Variants in MYOM2 observed in about 807,000 individuals in gnomAD.
MYOM2 encodes the protein myomesin-2.
MYOM2 carries 254 observed loss-of-function variants against 187.6 expected under a neutral mutation model. The ratio of observed to expected loss-of-function variants is 1.35; its 90% CI spans 1.22 to 1.50. The LOEUF (loss-of-function observed/expected upper bound fraction) is 1.50. MYOM2 is among the 40% of genes most tolerant of loss of function. MYOM2 has a pLI of 0.00. For synonymous variants in MYOM2, 981 were observed against 753.8 expected (o/e 1.30, Z -4.94); for missense variants, 2,796 against 1,924.0 (o/e 1.45, Z -8.48).
chr8:2,100,340 C>G (rs538158409), intron 19 of MYOM2: 6 of 153,076 alleles, frequency 3.9e-5, no homozygotes, highest in African/African-American at 1.4e-4. Context: ...TCTCAAGGCT[C>G]AAGGCCACAG....
chr8:2,108,785 G>C lies in MYOM2; in HGVS notation c.2999-1G>C, dbSNP rs775293794. ...ATTGAAATACTTTTTCTTCGTTTTA[G>C]AGCTCGAGCGTTTGATGGCATTGAG... On this transcript the variant is annotated splice_acceptor_variant, in intron 23 of 36. Transcript: ENST00000262113. LOFTEE classifies it high-confidence loss of function. The C allele has an allele frequency of 1.9e-6, 3 of 1,613,560 alleles. No homozygotes were observed. Among genetic ancestry groups the C allele is most frequent in the Non-Finnish European group, 2.5e-6 (3 of 1,179,874 alleles).
intron 32 of MYOM2, among the ~76,000 whole-genome samples, chr8:2,136,573 A>G (rs966719721): frequency 6.6e-6 from 1 of 152,164 alleles, no homozygotes; most frequent in Non-Finnish European, 1.5e-5. Context: ...AACTTGAATG[A>G]TAAGTCACTC....
chr8:2,127,185 C>G (rs1158969699), intron 31 of MYOM2, among the ~76,000 whole-genome samples: 4 of 152,008 alleles, frequency 2.6e-5, no homozygotes, highest in Non-Finnish European at 5.9e-5. Context: ...TTGACTTCAC[C>G]CAGTTCCCAA....
chr8:2,073,840 G>A (rs903895096), intron 10 of MYOM2, among the ~76,000 whole-genome samples: 7 of 152,350 alleles, frequency 4.6e-5, no homozygotes, highest in Admixed American at 3.9e-4. Flanking sequence ...GCCCGAGGAT[G>A]AAGAGGGGCA....
chr8:2,115,933 T>G, intron 25 of MYOM2, 27 bp from the exon 26 acceptor site: 1 of 1,603,594 alleles, frequency 6.2e-7, no homozygotes, highest in Non-Finnish European at 8.5e-7. Flanking sequence ...CTTGTATAAT[T>G]CTCCATTTCC....
chr8:2,128,374 A>G lies in MYOM2; in HGVS notation c.3695-753A>G, dbSNP rs143557744. ...CTATCCTCCACAACAGTTGGTGATC[A>G]TCTTATTTTCCATTATCTGTGCTAA... On this transcript the variant is annotated intron_variant, in intron 31 of 36. Coordinates refer to ENST00000262113, the MANE Select transcript of MYOM2 (RefSeq NM_003970.4). Among the ~76,000 whole-genome samples the G allele has an allele frequency of 5.9e-5, 9 of 152,368 alleles. No individual in the cohort carries two copies. In the East Asian group the frequency reaches 1.7e-3, roughly 29 times the overall value.
intron 6 of MYOM2, among the ~76,000 whole-genome samples, chr8:2,068,330 G>T (rs958367655): frequency 6.6e-6 from 1 of 150,630 alleles, no homozygotes; most frequent in African/African-American, 2.5e-5. Flanking sequence ...CAGGCGGAGA[G>T]CATCCCGGGG....
intron 6 of MYOM2, among the ~76,000 whole-genome samples, chr8:2,062,658 T>C (rs1285445674): frequency 6.6e-6 from 1 of 152,100 alleles, no homozygotes; most frequent in Non-Finnish European, 1.5e-5. Flanking sequence ...GTGGGAGTTT[T>C]AATAGACCGT....
At chr8:2,111,733 T>C (rs1253294441) in intron 25 of MYOM2, among the ~76,000 whole-genome samples, 1 of 152,214 alleles carries the variant, frequency 6.6e-6, no homozygotes, top group Non-Finnish European at 1.5e-5. Context: ...TTGTGCTTCC[T>C]GCAGTTGAGC....
chr8:2,072,806 G>T (rs1298419494), intron 9 of MYOM2, among the ~76,000 whole-genome samples: 3 of 152,240 alleles, frequency 2.0e-5, no homozygotes, highest in Non-Finnish European at 1.5e-5. Context: ...GCACATTACT[G>T]CATGGAAGGG....
chr8:2,082,896 G>T (rs561917809), intron 13 of MYOM2, among the ~76,000 whole-genome samples: 2 of 152,158 alleles, frequency 1.3e-5, no homozygotes, highest in African/African-American at 2.4e-5. Context: ...TCCTGGGGAG[G>T]TTGTAGTTTC....
rs776743885 is a variant in MYOM2, at chr8:2,142,762, C to CTTTTTTTTT, written c.4024+370_4024+378dup. Among the ~76,000 whole-genome samples, 234 of 112,822 alleles carry CTTTTTTTTT rather than the reference C, an allele frequency of 2.1e-3. 3 individuals are homozygous for CTTTTTTTTT. The East Asian group carries it at 0.023, about 11-fold the overall frequency. 74.0% of individuals were successfully genotyped at this position (112,822 alleles called of 152,430 possible). On this transcript the variant is annotated intron_variant, in intron 35 of 36. Coordinates refer to ENST00000262113, the MANE Select transcript of MYOM2 (RefSeq NM_003970.4). ...CCTTCCTCCCCTCCCTCCCTTTATTCTTTTTTTTTTTTTGACAGAGTCTTG... is the reference window on the plus strand; with the variant it reads ...CCTTCCTCCCCTCCCTCCCTTTATTCTTTTTTTTTTTTTTTTTTTTTTGACAGAGTCTTG...
intron 34 of MYOM2, 73 bp downstream of exon 34, chr8:2,141,250 G>C: frequency 7.4e-7 from 1 of 1,342,836 alleles, no homozygotes; most frequent in Non-Finnish European, 1.1e-6. Flanking sequence ...CTGCATGTGG[G>C]AATCTGTATG....
Position 2,144,684 on chromosome 8 carries a change from G to A in MYOM2, c.4101G>A (p.Thr1367=), listed in dbSNP as rs200500787. The A allele has an allele frequency of 3.5e-5, 56 of 1,613,712 alleles. No individual in the cohort carries two copies. Among genetic ancestry groups the A allele is most frequent in the East Asian group, 4.5e-5 (2 of 44,852 alleles). ...CAAAGACCTTGAATCTGACCTGCAC[G>A]GTGTTTGGAAACCCTGACCCCGAAG... ...MEGKTLNLTC[T]VFGNPDPEVI... The change falls in exon 37 of 37, where the codon ACG becomes ACA. Residue 1367 remains threonine (T), a synonymous_variant. Coordinates refer to ENST00000262113, the MANE Select transcript of MYOM2 (RefSeq NM_003970.4).
chr8:2,049,913 C>G (rs962238956), intron 1 of MYOM2, among the ~76,000 whole-genome samples: 2 of 152,174 alleles, frequency 1.3e-5, no homozygotes, highest in African/African-American at 4.8e-5. Flanking sequence ...TTCATCCACA[C>G]TCTCGAATTT....
At chr8:2,133,951 CCCCTG>C (rs1797964654) in intron 32 of MYOM2, among the ~76,000 whole-genome samples, 1 of 151,818 alleles carries the variant, frequency 6.6e-6, no homozygotes, top group African/African-American at 2.4e-5. Flanking sequence ...CCACCCTCTT[CCCCTG>C]AGGTTAACGT....
intron 31 of MYOM2, among the ~76,000 whole-genome samples, chr8:2,128,630 C>T (rs1487456826): frequency 6.6e-6 from 1 of 152,088 alleles, no homozygotes; most frequent in Non-Finnish European, 1.5e-5. Flanking sequence ...TTCTTATTGC[C>T]CCTGGGGTTT....
intron 32 of MYOM2, among the ~76,000 whole-genome samples, chr8:2,135,557 C>G (rs1279147643): frequency 6.6e-6 from 1 of 152,164 alleles, no homozygotes; most frequent in Non-Finnish European, 1.5e-5. Flanking sequence ...TACCCCGTCA[C>G]AGTTGACCAT....
At position 2,116,223 on chromosome 8, in the gene MYOM2, G is replaced by C. The variant is rs1376612980; in HGVS notation, c.3333G>C (p.Lys1111Asn). 3 of 1,610,620 alleles carry C rather than the reference G, an allele frequency of 1.9e-6. No individual in the cohort carries two copies. Among genetic ancestry groups the C allele is most frequent in the Admixed American group, 1.7e-5 (1 of 59,772 alleles). Reference sequence around the variant, plus strand: ...TTTAAATATTGAATTTAGCATTCAAGACTGTGCTGGAAGAGGCTGAGTTTC... The same window carrying C: ...TTTAAATATTGAATTTAGCATTCAACACTGTGCTGGAAGAGGCTGAGTTTC... ...SSLVLIGDAF[K>N]TVLEEAEFQR... The change falls in exon 27 of 37, where the codon AAG (lysine) becomes AAC (asparagine). Residue 1111 changes from lysine to asparagine, a missense_variant. Transcript: ENST00000262113.
Sources: gnomAD v4.1 joint callset for allele counts (sites outside exome capture counted in the v4.1 genomes callset) on GRCh38, gnomAD v4.1.1 for gene constraint, MANE v1.5 for transcripts, NCBI Gene and HGNC (gene_info 2026-07-23, HGNC 2026-07-21) for gene names.